CFHR5: variants seen among roughly 807,000 people sequenced by gnomAD.
CFHR5 encodes the protein complement factor H-related protein 5.
Under a neutral mutation model 62.9 loss-of-function variants are expected in CFHR5, and 73 were observed. The observed-to-expected ratio is 1.16, with a 90% CI of 0.96 to 1.41. CFHR5 has a LOEUF of 1.41. CFHR5 is among the 40% of genes most tolerant of loss of function. The pLI, the probability that CFHR5 is intolerant of heterozygous loss-of-function variation, is 0.00. For missense variants in CFHR5, 779 were observed against 679.9 expected, an observed-to-expected ratio of 1.15 and a Z score of -1.62; for synonymous variants, 249 against 227.2, an observed-to-expected ratio of 1.10 and a Z score of -0.86.
chr1:196,996,268 A>C (rs1190130833), intron 6 of CFHR5, 67 bp downstream of exon 6: 7 of 1,289,532 alleles, frequency 5.4e-6, no homozygotes, highest in Non-Finnish European at 7.9e-6. Context: ...TATAAAGTGT[A>C]TAAATCTGGC....
Position 197,004,805 on chromosome 1 carries a change from G to A in CFHR5, c.1475G>A (p.Cys492Tyr), listed in dbSNP as rs1654243099. ...CTCCAGGGCTCTGTAACTGTAACAT[G>A]CAGAAATAAACAGTGGTCAGAACCA... is the stretch of plus-strand genomic sequence containing the variant. The part of the protein sequence containing the change: ...YKLQGSVTVT[C>Y]RNKQWSEPPR... The change falls in exon 9 of 10, where the codon TGC (cysteine) becomes TAC (tyrosine). Residue 492 changes from cysteine (C) to tyrosine (Y), a missense_variant. Cys to Tyr is a radical substitution (Grantham distance 194). Transcript: ENST00000256785. The A allele has an allele frequency of 6.2e-7, 1 of 1,613,624 alleles. No individual in the cohort carries two copies. The highest frequency in any genetic ancestry group is 1.1e-5 in the South Asian group (1 of 91,060).
chr1:197,008,392 A>T (rs1302835578), intron 9 of CFHR5, 95 bp from the exon 10 acceptor site: 8 of 645,932 alleles, frequency 1.2e-5, no homozygotes, highest in African/African-American at 1.9e-5. Flanking sequence ...TCATCATTTT[A>T]ATTCCAAAAT....
At chr1:197,007,275 A>C (rs989526137) in intron 9 of CFHR5, among the ~76,000 whole-genome samples, 1 of 152,126 alleles carries the variant, frequency 6.6e-6, no homozygotes, top group African/African-American at 2.4e-5. Flanking sequence ...AACAGGAACC[A>C]AATGAAAGAG....
At chr1:196,992,849 T>A (rs929891518) in intron 3 of CFHR5, among the ~76,000 whole-genome samples, 1 of 152,220 alleles carries the variant, frequency 6.6e-6, no homozygotes, top group Non-Finnish European at 1.5e-5. Context: ...CTGTGATCAA[T>A]ACATTAAAGT....
At chr1:196,978,130 A>C (rs1358206791) in intron 1 of CFHR5, among the ~76,000 whole-genome samples, 1 of 152,160 alleles carries the variant, frequency 6.6e-6, no homozygotes, top group African/African-American at 2.4e-5. Context: ...TAGATTTGAT[A>C]ATTTACATTT....
rs546898022 is a variant in CFHR5, at chr1:196,980,244, A to AT, written c.58+2531dup. On this transcript the variant is annotated intron_variant, in intron 1 of 9. Coordinates refer to ENST00000256785, the MANE Select transcript of CFHR5 (RefSeq NM_030787.4). ...ACCCGCCTGAGGATGTTTTACAGTT[A>AT]TTTTTTTTTAATAAGTAGAAGAAGT... Among the ~76,000 whole-genome samples the AT allele has an allele frequency of 2.8e-4, 42 of 151,554 alleles. No homozygotes were observed. In the South Asian group the frequency reaches 5.7e-3, roughly 20 times the overall value.
At chr1:196,989,354 G>T (rs541006580) in intron 3 of CFHR5, among the ~76,000 whole-genome samples, 909 of 147,452 alleles carry the variant, frequency 6.2e-3, no homozygotes, top group African/African-American at 0.023. Context: ...AAGGGCTTTT[G>T]TTGTCTCTAT....
At chr1:196,976,799 CTTTT>C (rs10588279), upstream of CFHR5, among the ~76,000 whole-genome samples, 6 of 98,148 alleles carry the variant, frequency 6.1e-5, no homozygotes, top group African/African-American at 2.3e-4. Context: ...AAAAATTATT[CTTTT>C]TTTTTTTTTT....
chr1:197,008,923 A>T lies in CFHR5; in HGVS notation c.*240A>T. ...GTTATAACAGAGTATCACAGACTGG[A>T]TAACTTCTAACCAATAGTTTATTTG... On this transcript the variant is annotated 3_prime_UTR_variant, in exon 10 of 10. Transcript: ENST00000256785. 2 of 435,192 alleles carry T rather than the reference A, an allele frequency of 4.6e-6. No homozygotes were observed. Among genetic ancestry groups the T allele is most frequent in the South Asian group, 5.4e-5 (2 of 37,154 alleles). 27.0% of individuals were successfully genotyped at this position (435,192 alleles called of 1,614,324 possible).
rs752315301 is a variant in CFHR5 at position 196,996,185 on chromosome 1, G to A, written c.954G>A (p.Glu318=). The change falls in exon 6 of 10, where the codon GAG becomes GAA. Residue 318 remains glutamate (E), a synonymous_variant. Coordinates refer to ENST00000256785, the MANE Select transcript of CFHR5 (RefSeq NM_030787.4). ...CCTGTATTAATGGAATATGGACAGA[G>A]CTTCCTATGTGTGTTGGTGAGAAAA... The part of the protein sequence containing the change: ...MITCINGIWT[E]LPMCVATHQL... 5 of 1,610,866 alleles carry A rather than the reference G, an allele frequency of 3.1e-6. No homozygotes were observed. Among genetic ancestry groups the A allele is most frequent in the African/African-American group, 2.7e-5 (2 of 74,816 alleles).
At chr1:197,008,449 A>T in intron 9 of CFHR5, 38 bp from the exon 10 acceptor site, 1 of 1,261,474 alleles carries the variant, frequency 7.9e-7, no homozygotes, top group East Asian at 2.6e-5. Flanking sequence ...AAGATGTATT[A>T]TTATTTATTT....
At chr1:196,999,697 A>AGG (rs1654082692) in intron 7 of CFHR5, among the ~76,000 whole-genome samples, 2 of 91,048 alleles carry the variant, frequency 2.2e-5, no homozygotes, top group African/African-American at 8.6e-5. Flanking sequence ...ATATATATAT[A>AGG]TATATATATA....
At chr1:196,984,388 T>A (rs138021792) in intron 3 of CFHR5, among the ~76,000 whole-genome samples, 1 of 152,196 alleles carries the variant, frequency 6.6e-6, no homozygotes, top group African/African-American at 2.4e-5. Context: ...ATGTAACAAC[T>A]GTTTGTTGTT....
rs1198564808 is a variant in CFHR5, at chr1:197,008,547, A to G, written c.1574A>G (p.Asn525Ser). 1.2e-6 allele frequency: 2 copies of G among 1,613,542 alleles called. No homozygotes were observed. The highest frequency in any genetic ancestry group is 1.7e-6 in the Non-Finnish European group (2 of 1,179,596). The change falls in exon 10 of 10, where the codon AAC becomes AGC. Residue 525 changes from asparagine to serine, a missense_variant. Asn to Ser is a conservative substitution (Grantham distance 46). Coordinates refer to ENST00000256785, the MANE Select transcript of CFHR5 (RefSeq NM_030787.4). The part of the protein sequence containing the change: ...NKNNIQLKWR[N>S]DGKLYAKTGD... ...AATAACATACAGTTAAAATGGAGAA[A>G]CGATGGAAAACTCTATGCAAAAACA...
At chr1:196,990,908 A>T (rs143266772) in intron 3 of CFHR5, among the ~76,000 whole-genome samples, 1 of 151,940 alleles carries the variant, frequency 6.6e-6, no homozygotes, top group Non-Finnish European at 1.5e-5. Flanking sequence ...TTGAATGTTG[A>T]CCTGCCTTGC....
intron 2 of CFHR5, among the ~76,000 whole-genome samples, chr1:196,983,337 G>C (rs1653592617): frequency 6.6e-6 from 1 of 152,092 alleles, no homozygotes; most frequent in African/African-American, 2.4e-5. Flanking sequence ...TAATATATTT[G>C]ACTGCTAATA....
chr1:196,999,874 G>T (rs933834437), intron 7 of CFHR5, among the ~76,000 whole-genome samples: 32 of 149,492 alleles, frequency 2.1e-4, no homozygotes, highest in Non-Finnish European at 2.1e-4. Flanking sequence ...GGGGGAAAAT[G>T]AATTCAGATA....
intron 7 of CFHR5, among the ~76,000 whole-genome samples, chr1:197,000,548 A>G (rs958783899): frequency 6.6e-6 from 1 of 152,194 alleles, no homozygotes; most frequent in African/African-American, 2.4e-5. Context: ...ATATTTGAAT[A>G]TCTAACTCAC....
At chr1:197,005,478 G>A (rs527554698) in intron 9 of CFHR5, among the ~76,000 whole-genome samples, 12 of 152,022 alleles carry the variant, frequency 7.9e-5, no homozygotes, top group South Asian at 4.1e-4. Context: ...AATTAACATC[G>A]TAGACTCCTT....
Sources: allele counts gnomAD v4.1 joint callset (sites outside exome capture counted in the v4.1 genomes callset), GRCh38; gene constraint gnomAD v4.1.1; transcripts MANE v1.5; gene names NCBI Gene and HGNC (gene_info 2026-07-23, HGNC 2026-07-21).